Variants in MLLT3 observed in about 807,000 individuals in gnomAD.
The protein encoded by MLLT3 is protein AF-9.
A neutral mutation model predicts 53.2 loss-of-function variants in MLLT3; 4 were observed. That is an observed-to-expected ratio of 0.08 (90% confidence interval 0.04 to 0.17). The LOEUF (loss-of-function observed/expected upper bound fraction) is 0.17, where lower values mean the gene tolerates loss of function less well. Among genes scored for constraint, MLLT3 ranks in the 10% least tolerant of loss-of-function variants. The pLI is 1.00. For synonymous variants in MLLT3, 283 were observed against 230.6 expected (o/e 1.23, Z -2.06); for missense variants, 569 against 684.0 (o/e 0.83, Z 1.87).
In MLLT3 at chr9:20,502,514, T is replaced by C. The variant is rs185415142; in HGVS notation, c.194-45728A>G. Among the ~76,000 whole-genome samples the C allele has an allele frequency of 3.3e-3, 497 of 152,286 alleles. 5 individuals are homozygous for C. The highest frequency in any genetic ancestry group is 0.011 in the African/African-American group (472 of 41,566). ...ATCTGTGGATTCAACCAACCACAGA[T>C]TGAAATATTAGGAGAAAAAATTACA... On this transcript the variant is annotated intron_variant, in intron 2 of 10. Transcript: ENST00000380338.
chr9:20,567,304 TAAAA>T (rs35505450), intron 2 of MLLT3, among the ~76,000 whole-genome samples: 6 of 79,972 alleles, frequency 7.5e-5, no homozygotes, highest in Admixed American at 1.4e-4. Context: ...CTATATTCAG[TAAAA>T]AAAAAAAAAA....
intron 2 of MLLT3, among the ~76,000 whole-genome samples, chr9:20,522,264 C>T (rs1470969090): frequency 1.4e-5 from 2 of 146,620 alleles, no homozygotes; most frequent in African/African-American, 5.1e-5. Context: ...AAAGTCATCC[C>T]TTCCAGCTTT....
intron 2 of MLLT3, among the ~76,000 whole-genome samples, chr9:20,512,945 G>C (rs1389115054): frequency 1.2e-4 from 19 of 152,174 alleles, no homozygotes; most frequent in Non-Finnish European, 2.8e-4. Flanking sequence ...CACGGTATAG[G>C]ACAATTCAAT....
chr9:20,605,197 C>G (rs1820530317), intron 2 of MLLT3, among the ~76,000 whole-genome samples: 1 of 151,904 alleles, frequency 6.6e-6, no homozygotes, highest in Admixed American at 6.6e-5. Flanking sequence ...AACTCAATTC[C>G]TCAAGGATTA....
In MLLT3 at chr9:20,345,251, AATAC is replaced by A. The variant is rs966250239; in HGVS notation, c.*1188_*1191del. On this transcript the variant is annotated 3_prime_UTR_variant, in exon 11 of 11. Transcript: ENST00000380338. Reference sequence around the variant, plus strand: ...TATTGAACCACTGAATCTACAAGTTAATACATAATCTGTTATGGCAGAATAACCA... The same window carrying A: ...TATTGAACCACTGAATCTACAAGTTAATAATCTGTTATGGCAGAATAACCA... 4.6e-6 allele frequency: 1 copy of A among 219,772 alleles called. No individual in the cohort carries two copies. Among genetic ancestry groups the A allele is most frequent in the African/African-American group, 2.2e-5 (1 of 44,624 alleles). 13.6% of individuals were successfully genotyped at this position (219,772 alleles called of 1,614,324 possible).
At chr9:20,507,754 A>AAC (rs1554632680) in intron 2 of MLLT3, among the ~76,000 whole-genome samples, 1 of 151,602 alleles carries the variant, frequency 6.6e-6, no homozygotes, top group East Asian at 1.9e-4. Flanking sequence ...AAAAAAAAAA[A>AAC]AAAAACAAAT....
At chr9:20,491,459 A>G (rs1465101840) in intron 2 of MLLT3, among the ~76,000 whole-genome samples, 1 of 152,144 alleles carries the variant, frequency 6.6e-6, no homozygotes, top group African/African-American at 2.4e-5. Context: ...GAAAGACATC[A>G]GGGGCAAAAT....
chr9:20,517,026 T>C (rs945072410), intron 2 of MLLT3, among the ~76,000 whole-genome samples: 1 of 152,224 alleles, frequency 6.6e-6, no homozygotes, highest in Non-Finnish European at 1.5e-5. Context: ...ACGCAGTTTT[T>C]GTATTTTTTA....
intron 5 of MLLT3, chr9:20,411,769 A>C (rs1290111071): frequency 1.3e-5 from 2 of 152,190 alleles, no homozygotes; most frequent in African/African-American, 4.8e-5. Flanking sequence ...ATCATATATA[A>C]ATGGGAGGGA....
intron 5 of MLLT3, among the ~76,000 whole-genome samples, chr9:20,386,431 G>A (rs1452556787): frequency 6.6e-6 from 1 of 152,202 alleles, no homozygotes; most frequent in Non-Finnish European, 1.5e-5. Flanking sequence ...TCTGAATTAT[G>A]TGTGGCTTTT....
intron 10 of MLLT3, among the ~76,000 whole-genome samples, chr9:20,352,835 C>A (rs1821065905): frequency 6.6e-6 from 1 of 151,616 alleles, no homozygotes; most frequent in Non-Finnish European, 1.5e-5. Flanking sequence ...CATGTCTGCC[C>A]TGGAATTTAG....
intron 2 of MLLT3, among the ~76,000 whole-genome samples, chr9:20,502,893 C>G (rs1409334236): frequency 6.6e-6 from 1 of 152,180 alleles, no homozygotes; most frequent in African/African-American, 2.4e-5. Context: ...TCAGTAGCAT[C>G]TGTATATGCT....
At chr9:20,600,136 A>C (rs945313013) in intron 2 of MLLT3, among the ~76,000 whole-genome samples, 2 of 48,208 alleles carry the variant, frequency 4.1e-5, no homozygotes, top group African/African-American at 7.9e-5. Context: ...AAAAAAAAAA[A>C]ACAAAAAACA....
At chr9:20,533,428 T>A (rs1281209868) in intron 2 of MLLT3, 1 of 162,304 alleles carries the variant, frequency 6.2e-6, no homozygotes, top group Non-Finnish European at 1.4e-5. Context: ...GAAAATGTCA[T>A]CTTGATGGCT....
At chr9:20,549,440 T>C (rs545527312) in intron 2 of MLLT3, among the ~76,000 whole-genome samples, 1 of 151,002 alleles carries the variant, frequency 6.6e-6, no homozygotes, top group Non-Finnish European at 1.5e-5. Context: ...GTAATAATAA[T>C]AGCTAACACA....
At chr9:20,404,091 G>C (rs1822522768) in intron 5 of MLLT3, among the ~76,000 whole-genome samples, 1 of 152,138 alleles carries the variant, frequency 6.6e-6, no homozygotes, top group African/African-American at 2.4e-5. Flanking sequence ...AAAGTGCCGG[G>C]ACTACAGGTG....
rs554876170 is a variant in MLLT3 at position 20,510,590 on chromosome 9, C to T, written c.194-53804G>A. ...TCATATGACTGCACTCCAGCCTGGG[C>T]GACAGATCAAGACTCCATCTCAGAA... On this transcript the variant is annotated intron_variant, in intron 2 of 10. Transcript: ENST00000380338. Among the ~76,000 whole-genome samples, 6 of 129,626 alleles carry T rather than the reference C, an allele frequency of 4.6e-5. No homozygotes were observed. The East Asian group carries it at 7.0e-4, about 15-fold the overall frequency. The allele number at this position is 129,626 out of a possible 152,430, so 85.0% of individuals were successfully genotyped here.
At chr9:20,542,544 T>G (rs1342120122) in intron 2 of MLLT3, among the ~76,000 whole-genome samples, 1 of 152,126 alleles carries the variant, frequency 6.6e-6, no homozygotes, top group Non-Finnish European at 1.5e-5. Context: ...GCCAGAGCAG[T>G]AATATTTTTA....
chr9:20,509,588 A>G (rs1417425381), intron 2 of MLLT3, among the ~76,000 whole-genome samples: 1 of 152,186 alleles, frequency 6.6e-6, no homozygotes, highest in Non-Finnish European at 1.5e-5. Context: ...CTTTTGTTTA[A>G]GCATAAATAA....
Sources: allele counts gnomAD v4.1 joint callset (sites outside exome capture counted in the v4.1 genomes callset), GRCh38; gene constraint gnomAD v4.1.1; transcripts MANE v1.5; gene names NCBI Gene and HGNC (gene_info 2026-07-23, HGNC 2026-07-21).